EYS: variants seen among roughly 807,000 people sequenced by gnomAD.
EYS encodes the protein protein eyes shut homolog.
In EYS, 250 loss-of-function variants were observed where a neutral mutation model predicts 282.1. The observed-to-expected ratio is 0.89, with a 90% confidence interval of 0.80 to 0.98. EYS has a LOEUF of 0.98. Among genes scored for constraint, EYS ranks in the 50% least tolerant of loss-of-function variants. The pLI is 0.00. For missense variants in EYS, 4,016 were observed against 3,709.0 expected, an observed-to-expected ratio of 1.08 and a Z score of -2.15; for synonymous variants, 1,355 against 1,282.9, an observed-to-expected ratio of 1.06 and a Z score of -1.20.
intron 11 of EYS, among the ~76,000 whole-genome samples, chr6:65,325,941 C>T (rs1214289831): frequency 6.6e-6 from 1 of 152,102 alleles, no homozygotes; most frequent in Non-Finnish European, 1.5e-5. Context: ...AATGAAAGAG[C>T]AGTGTTCTTG....
At chr6:65,032,128 C>G (rs1041159105) in intron 13 of EYS, among the ~76,000 whole-genome samples, 1 of 152,018 alleles carries the variant, frequency 6.6e-6, no homozygotes, top group Non-Finnish European at 1.5e-5. Flanking sequence ...TGCACACAAA[C>G]TAGAAAATCT....
chr6:64,474,792 C>A (rs1776213887), intron 26 of EYS, among the ~76,000 whole-genome samples: 1 of 152,170 alleles, frequency 6.6e-6, no homozygotes, highest in African/African-American at 2.4e-5. Flanking sequence ...AATTTGCTAA[C>A]CTGAGAGGCT....
intron 26 of EYS, among the ~76,000 whole-genome samples, chr6:64,567,929 T>A (rs1197590468): frequency 1.3e-5 from 2 of 152,178 alleles, no homozygotes; most frequent in Non-Finnish European, 2.9e-5. Context: ...GACAGTGAAC[T>A]CTTTGATTAC....
At chr6:63,799,947 A>G (rs1224781968) in intron 37 of EYS, among the ~76,000 whole-genome samples, 4 of 152,220 alleles carry the variant, frequency 2.6e-5, no homozygotes, top group Non-Finnish European at 5.9e-5. Flanking sequence ...GATCTCAGGT[A>G]GCATGAACTG....
chr6:64,034,070 G>A (rs751754681), intron 33 of EYS, among the ~76,000 whole-genome samples: 1 of 152,092 alleles, frequency 6.6e-6, no homozygotes, highest in Non-Finnish European at 1.5e-5. Flanking sequence ...GATTGTTATT[G>A]GTCATGCCTG....
intron 5 of EYS, among the ~76,000 whole-genome samples, chr6:65,407,760 T>C (rs1326882432): frequency 6.6e-6 from 1 of 150,658 alleles, no homozygotes; most frequent in Non-Finnish European, 1.5e-5. Context: ...TGTGTGTGTG[T>C]GTGTGTGTGT....
intron 12 of EYS, among the ~76,000 whole-genome samples, chr6:65,219,072 T>C (rs970656580): frequency 1.3e-5 from 2 of 152,136 alleles, no homozygotes; most frequent in African/African-American, 4.8e-5. Context: ...ATAGAAGATA[T>C]ATCTTCCAAA....
At chr6:65,507,429 T>A (rs1202289527) in intron 2 of EYS, among the ~76,000 whole-genome samples, 1 of 152,146 alleles carries the variant, frequency 6.6e-6, no homozygotes, top group African/African-American at 2.4e-5. Flanking sequence ...TTATAGTTTA[T>A]TTAGCTTAGT....
intron 35 of EYS, among the ~76,000 whole-genome samples, chr6:63,872,172 C>A (rs186478945): frequency 6.6e-6 from 1 of 152,148 alleles, no homozygotes; most frequent in African/African-American, 2.4e-5. Context: ...TCCCTAGAGT[C>A]CCAGAGGGTA....
At chr6:65,195,019 A>T in intron 12 of EYS, among the ~76,000 whole-genome samples, 1 of 151,982 alleles carries the variant, frequency 6.6e-6, no homozygotes, top group Non-Finnish European at 1.5e-5. Context: ...GGGATAGTGA[A>T]ACAATTTTTA....
At chr6:64,973,883 A>G (rs1011673079) in intron 14 of EYS, among the ~76,000 whole-genome samples, 30 of 151,956 alleles carry the variant, frequency 2.0e-4, no homozygotes, top group African/African-American at 7.0e-4. Context: ...TGTTTTAGAT[A>G]AACATAGATA....
chr6:64,834,626 T>C (rs1323136282), intron 19 of EYS, among the ~76,000 whole-genome samples: 1 of 151,854 alleles, frequency 6.6e-6, no homozygotes, highest in Non-Finnish European at 1.5e-5. Context: ...CATAACATTT[T>C]ATTTATTCAA....
intron 36 of EYS, among the ~76,000 whole-genome samples, chr6:63,842,062 A>C (rs1771975366): frequency 6.6e-6 from 1 of 152,222 alleles, no homozygotes; most frequent in South Asian, 2.1e-4. Flanking sequence ...GTGCTGAAAC[A>C]GTAAACATAC....
At chr6:64,764,640 C>A (rs775918222) in intron 22 of EYS, among the ~76,000 whole-genome samples, 1 of 152,242 alleles carries the variant, frequency 6.6e-6, no homozygotes, top group Non-Finnish European at 1.5e-5. Flanking sequence ...ATTTATACAG[C>A]AGGCTTAAAT....
At chr6:65,569,227 C>A (rs1028707994) in intron 2 of EYS, among the ~76,000 whole-genome samples, 1 of 152,050 alleles carries the variant, frequency 6.6e-6, no homozygotes, top group Non-Finnish European at 1.5e-5. Flanking sequence ...CCCGCCCCTG[C>A]CCAGGGAGAA....
chr6:64,187,223 T>C (rs1562243901), intron 31 of EYS, among the ~76,000 whole-genome samples: 1 of 152,158 alleles, frequency 6.6e-6, no homozygotes, highest in Non-Finnish European at 1.5e-5. Flanking sequence ...TTAAAATTTT[T>C]ATTCCTACTT....
intron 33 of EYS, among the ~76,000 whole-genome samples, chr6:64,000,747 A>G (rs1312147428): frequency 3.3e-5 from 5 of 152,128 alleles, no homozygotes. Flanking sequence ...CCTACTAGGT[A>G]ATAAGAATCT....
chr6:65,483,685 T>C (rs1221761037), intron 5 of EYS, among the ~76,000 whole-genome samples: 2 of 152,024 alleles, frequency 1.3e-5, no homozygotes, highest in Admixed American at 6.6e-5. Flanking sequence ...AATAAAGAGA[T>C]AGATGGTGTA....
intron 31 of EYS, among the ~76,000 whole-genome samples, chr6:64,219,263 G>C (rs1056625410): frequency 6.6e-6 from 1 of 152,186 alleles, no homozygotes; most frequent in African/African-American, 2.4e-5. Context: ...TTGAATATAA[G>C]AGGGAAGTTT....
Sources: allele counts gnomAD v4.1 joint callset (sites outside exome capture counted in the v4.1 genomes callset), GRCh38; gene constraint gnomAD v4.1.1; transcripts MANE v1.5; gene names NCBI Gene and HGNC (gene_info 2026-07-23, HGNC 2026-07-21).